Variants in ATF7IP observed in about 807,000 individuals in gnomAD.
ATF7IP encodes the protein activating transcription factor 7 interacting protein.
Under a neutral mutation model 106.4 loss-of-function variants are expected in ATF7IP, and 23 were observed. That is an observed-to-expected ratio of 0.22 (90% CI 0.16 to 0.31). ATF7IP has a LOEUF of 0.31. Ranked by LOEUF, ATF7IP falls within the 10% of genes least tolerant of loss-of-function variation. The probability of loss-of-function intolerance (pLI) is 1.00; values close to 1 mark genes in which losing one functional copy is unlikely to be tolerated. For synonymous variants in ATF7IP, 542 were observed against 539.0 expected (o/e 1.01, Z -0.08); for missense variants, 1,334 against 1,524.3 (o/e 0.88, Z 2.08).
At chr12:14,451,759 G>T (rs768019682) in intron 6 of ATF7IP, among the ~76,000 whole-genome samples, 1 of 152,002 alleles carries the variant, frequency 6.6e-6, no homozygotes, top group Non-Finnish European at 1.5e-5. Context: ...AATTTGTTAA[G>T]ACCTGGGTTG....
chr12:14,388,184 G>T (rs1459488563), intron 1 of ATF7IP, among the ~76,000 whole-genome samples: 1 of 148,006 alleles, frequency 6.8e-6, no homozygotes, highest in East Asian at 2.0e-4. Context: ...CGAGTAGCTG[G>T]GATTACAGGC....
chr12:14,422,736 C>T (rs765459941), intron 1 of ATF7IP, among the ~76,000 whole-genome samples: 64 of 152,180 alleles, frequency 4.2e-4, no homozygotes, highest in Middle Eastern at 3.4e-3. Flanking sequence ...ACTTCATTCC[C>T]CTTTGTGGTT....
rs567488169 is a variant in ATF7IP, at chr12:14,492,149, A to G, written c.3281-4082A>G. On this transcript the variant is annotated intron_variant, in intron 13 of 14. Transcript: ENST00000261168. ...CAATTATGCATTTTGGCACTGGGGAAATGACCACAGGATGAATCCAGGAAT... is the reference window on the plus strand; with the variant it reads ...CAATTATGCATTTTGGCACTGGGGAGATGACCACAGGATGAATCCAGGAAT... Among the ~76,000 whole-genome samples the G allele has an allele frequency of 1.6e-4, 24 of 152,314 alleles. 1 individual carries two copies. In the East Asian group the frequency reaches 4.2e-3, roughly 27 times the overall value.
intron 11 of ATF7IP, 79 bp downstream of exon 11, chr12:14,476,047 A>G (rs1944252843): frequency 1.0e-6 from 1 of 1,002,402 alleles, no homozygotes; most frequent in East Asian, 2.5e-5. Context: ...TTCTACAAAG[A>G]CAGATGTTTA....
At position 14,392,482 on chromosome 12, in the gene ATF7IP, CTG is replaced by C. The variant is rs1490857169; in HGVS notation, c.-8+26658_-8+26659del. Among the ~76,000 whole-genome samples the C allele has an allele frequency of 2.6e-5, 4 of 152,332 alleles. No individual in the cohort carries two copies. In the East Asian group the frequency reaches 5.8e-4, roughly 22 times the overall value. The stretch of plus-strand genomic sequence containing the variant: ...ATGGTAGAGTGAAAACTAAAACAGA[CTG>C]TGAATTGATCAGTTACTCAACAAAT... On this transcript the variant is annotated intron_variant, in intron 1 of 14. Coordinates refer to ENST00000261168, the MANE Select transcript of ATF7IP (RefSeq NM_018179.5).
At chr12:14,408,198 A>T (rs971268008) in intron 1 of ATF7IP, among the ~76,000 whole-genome samples, 8 of 152,034 alleles carry the variant, frequency 5.3e-5, no homozygotes, top group African/African-American at 1.9e-4. Context: ...TTAGCTTAAC[A>T]TTCATTTCTT....
At chr12:14,475,808 T>A in intron 10 of ATF7IP, 82 bp from the exon 11 acceptor site, 1 of 1,112,074 alleles carries the variant, frequency 9.0e-7, no homozygotes, top group South Asian at 1.5e-5. Context: ...TTAGTCTCAT[T>A]TTACCTCACT....
At chr12:14,494,364 T>A (rs1182025631) in intron 13 of ATF7IP, among the ~76,000 whole-genome samples, 8 of 136,360 alleles carry the variant, frequency 5.9e-5, no homozygotes. Flanking sequence ...TATACACATA[T>A]GTTTCCTATA....
intron 1 of ATF7IP, chr12:14,367,378 C>T (rs1688338606): frequency 1.3e-5 from 2 of 151,846 alleles, no homozygotes; most frequent in African/African-American, 4.8e-5. Flanking sequence ...CTTTTTTTCT[C>T]AAGAGAATAT....
chr12:14,466,576 G>C lies in ATF7IP; in HGVS notation c.2848G>C (p.Asp950His). The C allele has an allele frequency of 6.2e-7, 1 of 1,604,258 alleles. No individual in the cohort carries two copies. The highest frequency in any genetic ancestry group is 8.5e-7 in the Non-Finnish European group (1 of 1,176,604). The change falls in exon 10 of 15, where the codon GAT becomes CAT. Residue 950 changes from aspartate (D) to histidine (H), a missense_variant. Around this residue, in one of 10 missense-constraint regions of ATF7IP, gnomAD observed 370 missense variants for 401.2 expected, o/e 0.92. Coordinates refer to ENST00000261168, the MANE Select transcript of ATF7IP (RefSeq NM_018179.5). ...TGCTTCTGTCAGTAAGAAAGCAGCT[G>C]ATAGCACATCACAGGTAAGATTTTT... The part of the protein sequence containing the change: ...IDASVSKKAA[D>H]STSQCGKATG...
At chr12:14,382,279 T>C (rs907264183) in intron 1 of ATF7IP, among the ~76,000 whole-genome samples, 1 of 152,250 alleles carries the variant, frequency 6.6e-6, no homozygotes, top group Non-Finnish European at 1.5e-5. Flanking sequence ...AATTGTTTAC[T>C]GAACATTAGA....
intron 1 of ATF7IP, among the ~76,000 whole-genome samples, chr12:14,409,815 A>G (rs953239536): frequency 2.2e-4 from 33 of 152,098 alleles, no homozygotes; most frequent in African/African-American, 7.7e-4. Flanking sequence ...CTCTTGGTAT[A>G]GTTGTTCTGT....
Position 14,425,238 on chromosome 12 carries a change from G to A in ATF7IP, c.1323G>A (p.Lys441=). ...ATGAAATCATTCCTATTTTGGAAAA[G>A]CTTGCACCTTCTGAGGATGAACTTA... ...ETDEIIPILE[K]LAPSEDELTC... The change falls in exon 2 of 15, where the codon AAG becomes AAA. Residue 441 remains lysine (K), a synonymous_variant. Coordinates refer to ENST00000261168, the MANE Select transcript of ATF7IP (RefSeq NM_018179.5). The A allele has an allele frequency of 1.9e-6, 3 of 1,595,590 alleles. No individual in the cohort carries two copies. The highest frequency in any genetic ancestry group is 2.6e-6 in the Non-Finnish European group (3 of 1,173,984).
At chr12:14,434,243 G>T in intron 2 of ATF7IP, 94 bp from the exon 3 acceptor site, 1 of 743,996 alleles carries the variant, frequency 1.3e-6, no homozygotes, top group Non-Finnish European at 2.2e-6. Context: ...ATAAAAGGTT[G>T]GTTTTGTAAC....
chr12:14,478,172 G>A (rs1032722454), intron 11 of ATF7IP, 145 bp from the exon 12 acceptor site: 19 of 744,952 alleles, frequency 2.6e-5, no homozygotes, highest in African/African-American at 1.4e-4. Context: ...AAAAATACAC[G>A]TAAGTAAAAT....
chr12:14,461,477 A>G (rs1377886050), intron 9 of ATF7IP, among the ~76,000 whole-genome samples: 1 of 152,184 alleles, frequency 6.6e-6, no homozygotes, highest in Non-Finnish European at 1.5e-5. Context: ...TAAAGTATCA[A>G]ATTTACATAA....
intron 1 of ATF7IP, among the ~76,000 whole-genome samples, chr12:14,369,820 C>G (rs1033706677): frequency 1.3e-5 from 2 of 151,896 alleles, no homozygotes; most frequent in Non-Finnish European, 2.9e-5. Context: ...TTTCTTATTG[C>G]TTTGGTAGCA....
chr12:14,399,746 T>C (rs1477446936), intron 1 of ATF7IP, among the ~76,000 whole-genome samples: 1 of 152,204 alleles, frequency 6.6e-6, no homozygotes, highest in Non-Finnish European at 1.5e-5. Context: ...AATATACTAT[T>C]TTAAAATGTC....
At chr12:14,393,995 T>C (rs1266572700) in intron 1 of ATF7IP, among the ~76,000 whole-genome samples, 2 of 152,200 alleles carry the variant, frequency 1.3e-5, no homozygotes, top group South Asian at 2.1e-4. Flanking sequence ...GGGAAGACAT[T>C]CGTAATTTAA....
Sources: allele counts gnomAD v4.1 joint callset (sites outside exome capture counted in the v4.1 genomes callset), GRCh38; gene constraint gnomAD v4.1.1; regional missense constraint gnomAD v4.1.1; transcripts MANE v1.5; gene names NCBI Gene and HGNC (gene_info 2026-07-23, HGNC 2026-07-21).